The following CTNNA3 variants were observed in gnomAD, a reference collection of about 807,000 sequenced individuals.
The protein encoded by CTNNA3 is catenin alpha 3, also known as catenin alpha-3.
A neutral mutation model predicts 95.7 loss-of-function variants in CTNNA3; 76 were observed. The ratio of observed to expected loss-of-function variants is 0.79; its 90% CI spans 0.66 to 0.96. CTNNA3 has a LOEUF of 0.96. Ranked by LOEUF, CTNNA3 falls within the 40% of genes least tolerant of loss-of-function variation. CTNNA3 has a pLI of 0.00. For missense variants in CTNNA3, 1,191 were observed against 1,089.8 expected, an observed-to-expected ratio of 1.09 and a Z score of -1.31; for synonymous variants, 431 against 374.4, an observed-to-expected ratio of 1.15 and a Z score of -1.74.
chr10:66,847,471 C>G (rs1843323224), intron 7 of CTNNA3, among the ~76,000 whole-genome samples: 1 of 152,100 alleles, frequency 6.6e-6, no homozygotes, highest in South Asian at 2.1e-4. Flanking sequence ...AAAAGTATAG[C>G]CTTTGTAGCC....
intron 7 of CTNNA3, among the ~76,000 whole-genome samples, chr10:66,965,295 G>T (rs2132794985): frequency 6.6e-6 from 1 of 152,088 alleles, no homozygotes; most frequent in Admixed American, 6.5e-5. Flanking sequence ...TCAACACTTT[G>T]GGAGGCTAAG....
At chr10:66,356,402 T>A (rs1411556395) in intron 12 of CTNNA3, among the ~76,000 whole-genome samples, 1 of 151,902 alleles carries the variant, frequency 6.6e-6, no homozygotes, top group Non-Finnish European at 1.5e-5. Flanking sequence ...AACATATAGG[T>A]GCAGCAATTA....
At chr10:66,170,277 A>G (rs1351835447) in intron 13 of CTNNA3, among the ~76,000 whole-genome samples, 1 of 137,964 alleles carries the variant, frequency 7.2e-6, no homozygotes, top group African/African-American at 2.7e-5. Context: ...AGATGGTAGA[A>G]TAGCTCTGAA....
chr10:66,652,097 T>TAAAAAAAAAA (rs59359956), intron 9 of CTNNA3, among the ~76,000 whole-genome samples: 5 of 122,396 alleles, frequency 4.1e-5, no homozygotes, highest in Non-Finnish European at 5.3e-5. Flanking sequence ...CTCAAGGAAC[T>TAAAAAAAAAA]AAAAAAAAAA....
Position 67,365,211 on chromosome 10 carries a change from T to C in CTNNA3, c.580-145341A>G, listed in dbSNP as rs993450269. On this transcript the variant is annotated intron_variant, in intron 5 of 17. Coordinates refer to ENST00000433211, the MANE Select transcript of CTNNA3 (RefSeq NM_013266.4). ...AACAGGATCCCTTCCTTATATCTTA[T>C]ACAAAAAATAACTCAAGATGGAGCA... 9.3e-5 allele frequency among the ~76,000 whole-genome samples: 6 copies of C among 64,712 alleles called. No homozygotes were observed. In the South Asian group the frequency reaches 1.1e-3, roughly 12 times the overall value. 42.5% of individuals were successfully genotyped at this position (64,712 alleles called of 152,430 possible). A position where few individuals can be genotyped will look rare whatever the true frequency, so the allele number is the denominator to read the frequency against.
At chr10:66,464,055 A>G (rs1838795665) in intron 11 of CTNNA3, among the ~76,000 whole-genome samples, 2 of 152,102 alleles carry the variant, frequency 1.3e-5, no homozygotes, top group African/African-American at 4.8e-5. Flanking sequence ...AAATTAAATG[A>G]CTTTATTAAT....
At chr10:67,351,701 T>C (rs922613487) in intron 5 of CTNNA3, among the ~76,000 whole-genome samples, 19 of 152,100 alleles carry the variant, frequency 1.2e-4, no homozygotes, top group African/African-American at 4.1e-4. Context: ...GTCAAACTCC[T>C]TTCTGGCCAA....
intron 10 of CTNNA3, among the ~76,000 whole-genome samples, chr10:66,608,768 C>T (rs967033804): frequency 5.3e-5 from 8 of 152,090 alleles, no homozygotes; most frequent in South Asian, 4.1e-4. Context: ...CCCTTCCTTA[C>T]ACCATACACA....
intron 1 of CTNNA3, 130 bp downstream of exon 1, chr10:67,695,870 T>A (rs959007562): frequency 2.0e-5 from 3 of 152,236 alleles, no homozygotes; most frequent in Non-Finnish European, 4.4e-5. Flanking sequence ...CATACAATAA[T>A]GTGATCTTCC....
chr10:66,619,140 GA>G (rs1449003887), intron 10 of CTNNA3, among the ~76,000 whole-genome samples: 1 of 151,582 alleles, frequency 6.6e-6, no homozygotes, highest in African/African-American at 2.4e-5. Context: ...AACCATTGTG[GA>G]AGTCAGTGTG....
chr10:67,438,846 C>T lies in CTNNA3; in HGVS notation c.579+82996G>A, dbSNP rs183794569. Among the ~76,000 whole-genome samples the T allele has an allele frequency of 2.2e-4, 33 of 152,224 alleles. No homozygotes were observed. The East Asian group carries it at 6.4e-3, about 29-fold the overall frequency. ...ATGCTGGGCTTAGCCAGCTCCTGCC[C>T]AAAAAGGGAACATTTGGACAAGCCC... On this transcript the variant is annotated intron_variant, in intron 5 of 17. Coordinates refer to ENST00000433211, the MANE Select transcript of CTNNA3 (RefSeq NM_013266.4).
chr10:66,427,779 T>C (rs1170485961), intron 11 of CTNNA3, among the ~76,000 whole-genome samples: 2 of 151,692 alleles, frequency 1.3e-5, no homozygotes, highest in African/African-American at 4.8e-5. Context: ...GAACAACCGG[T>C]ACCAGCCACT....
At chr10:67,345,001 T>C (rs1842357798) in intron 5 of CTNNA3, among the ~76,000 whole-genome samples, 1 of 152,046 alleles carries the variant, frequency 6.6e-6, no homozygotes, top group African/African-American at 2.4e-5. Context: ...TCCCTCCTGG[T>C]ACTGATTTTA....
chr10:66,004,999 T>C (rs1445267715), intron 15 of CTNNA3, among the ~76,000 whole-genome samples: 6 of 152,214 alleles, frequency 3.9e-5, no homozygotes, highest in Non-Finnish European at 8.8e-5. Context: ...GCAGGGCTGG[T>C]TCCTTCTGGA....
chr10:66,023,797 ATAAAG>A (rs2079274308), intron 15 of CTNNA3, among the ~76,000 whole-genome samples: 1 of 152,220 alleles, frequency 6.6e-6, no homozygotes, highest in Non-Finnish European at 1.5e-5. Flanking sequence ...CTCTTGATAA[ATAAAG>A]TAATTTACAC....
intron 1 of CTNNA3, among the ~76,000 whole-genome samples, chr10:67,673,322 T>C (rs1442932192): frequency 6.8e-6 from 1 of 147,658 alleles, no homozygotes; most frequent in African/African-American, 2.5e-5. Flanking sequence ...ACAATTTGAC[T>C]TCCTCTTTTC....
intron 11 of CTNNA3, among the ~76,000 whole-genome samples, chr10:66,408,266 G>A (rs769884519): frequency 6.6e-6 from 1 of 152,086 alleles, no homozygotes; most frequent in Non-Finnish European, 1.5e-5. Flanking sequence ...CATGGATGTG[G>A]AAATCCAGTT....
At chr10:67,210,623 A>T (rs1864102000) in intron 6 of CTNNA3, among the ~76,000 whole-genome samples, 1 of 151,682 alleles carries the variant, frequency 6.6e-6, no homozygotes, top group African/African-American at 2.4e-5. Context: ...CCTTTGCTCC[A>T]TTTTTGTGGA....
chr10:66,215,600 T>C (rs2088481620), intron 13 of CTNNA3, among the ~76,000 whole-genome samples: 1 of 152,182 alleles, frequency 6.6e-6, no homozygotes, highest in African/African-American at 2.4e-5. Flanking sequence ...GAACAATATA[T>C]AGTAACTGTT....
Sources: allele counts gnomAD v4.1 joint callset (sites outside exome capture counted in the v4.1 genomes callset), GRCh38; gene constraint gnomAD v4.1.1; transcripts MANE v1.5; gene names NCBI Gene and HGNC (gene_info 2026-07-23, HGNC 2026-07-21).